Variants in COLEC12 observed in about 807,000 individuals in gnomAD.
COLEC12 encodes the protein collectin subfamily member 12, also known as collectin-12.
A neutral mutation model predicts 71.1 loss-of-function variants in COLEC12; 33 were observed. The observed-to-expected ratio is 0.46, with a 90% CI of 0.35 to 0.62. The LOEUF is 0.62. Ranked by LOEUF, COLEC12 falls within the 20% of genes least tolerant of loss-of-function variation. The pLI, the probability that COLEC12 is intolerant of heterozygous loss-of-function variation, is 0.00. For synonymous variants in COLEC12, 350 were observed against 353.0 expected (o/e 0.99, Z 0.10); for missense variants, 765 against 916.1 (o/e 0.84, Z 2.13).
chr18:330,773 T>C (rs535138937), intron 8 of COLEC12, among the ~76,000 whole-genome samples: 193 of 152,150 alleles, frequency 1.3e-3, no homozygotes, highest in African/African-American at 4.4e-3. Flanking sequence ...ATGGAACTTA[T>C]GGGGAATCTT....
At chr18:481,030 G>A (rs1048747583) in intron 1 of COLEC12, among the ~76,000 whole-genome samples, 26 of 152,130 alleles carry the variant, frequency 1.7e-4, no homozygotes, top group Admixed American at 8.5e-4. Context: ...TGGACCACCC[G>A]GCCACTCCCT....
chr18:452,061 G>A (rs1300060977), intron 2 of COLEC12, among the ~76,000 whole-genome samples: 3 of 152,122 alleles, frequency 2.0e-5, no homozygotes, highest in Admixed American at 6.6e-5. Flanking sequence ...TAACTTGCTC[G>A]AGAAAAAGAA....
intron 2 of COLEC12, among the ~76,000 whole-genome samples, chr18:367,549 G>A (rs1240436138): frequency 4.6e-5 from 7 of 152,228 alleles, no homozygotes; most frequent in African/African-American, 9.6e-5. Flanking sequence ...AGACAGAGCA[G>A]GAGACTTCAC....
intron 2 of COLEC12, among the ~76,000 whole-genome samples, chr18:365,482 C>T (rs943240537): frequency 1.3e-5 from 2 of 152,124 alleles, no homozygotes; most frequent in African/African-American, 4.8e-5. Context: ...TTGGTCACCC[C>T]ATGGTTTTCT....
At chr18:404,246 G>A (rs1290908308) in intron 2 of COLEC12, among the ~76,000 whole-genome samples, 2 of 152,032 alleles carry the variant, frequency 1.3e-5, no homozygotes, top group Non-Finnish European at 2.9e-5. Flanking sequence ...TTCAAAGTTT[G>A]GGAAAATGTG....
At chr18:391,012 T>A (rs1915452275) in intron 2 of COLEC12, among the ~76,000 whole-genome samples, 1 of 152,200 alleles carries the variant, frequency 6.6e-6, no homozygotes, top group Non-Finnish European at 1.5e-5. Context: ...GGGGAACTGG[T>A]CCGCTCTTTT....
chr18:490,120 TAC>T (rs1917593179), intron 1 of COLEC12, among the ~76,000 whole-genome samples: 1 of 152,226 alleles, frequency 6.6e-6, no homozygotes, highest in Non-Finnish European at 1.5e-5. Context: ...AGCTTCTGAC[TAC>T]ACTCTTGGTA....
chr18:346,302 T>C lies in COLEC12; in HGVS notation c.1320A>G (p.Ile440Met). The C allele has an allele frequency of 1.9e-6, 3 of 1,604,954 alleles. No homozygotes were observed. Among genetic ancestry groups the C allele is most frequent in the Non-Finnish European group, 2.6e-6 (3 of 1,174,716 alleles). The change falls in exon 5 of 10, where the codon ATA (isoleucine) becomes ATG (methionine). Residue 440 changes from isoleucine to methionine, a missense_variant. Coordinates refer to ENST00000400256, the MANE Select transcript of COLEC12 (RefSeq NM_130386.3). This position sits in a 1 kb window ranked among gnomAD's most constrained non-coding sequence, Gnocchi z 4.0. ...TTCAGAATTTTGACTTACCTTGTAG[T>C]ATTGTAAAATTCTTGATGAGCTGAC... ...KHGQLIKNFT[I>M]LQGPPGPRGP...
rs570429019 is a variant in COLEC12 at position 372,665 on chromosome 18, G to T, written c.59-15143C>A. Among the ~76,000 whole-genome samples, 113 of 152,146 alleles carry T rather than the reference G, an allele frequency of 7.4e-4. 1 individual carries two copies. The highest frequency in any genetic ancestry group is 8.8e-5 in the Non-Finnish European group (6 of 68,038). ...ACTCCTGAGCTCAAGCGATCCACCT[G>T]CCTCGGCCTCCCAAAGTGCTGGGAT... On this transcript the variant is annotated intron_variant, in intron 2 of 9. Transcript: ENST00000400256.
chr18:404,520 G>T (rs939273825), intron 2 of COLEC12, among the ~76,000 whole-genome samples: 1 of 152,216 alleles, frequency 6.6e-6, no homozygotes. Flanking sequence ...TGAATTTAAA[G>T]TGGGACGAAG....
At chr18:488,843 A>G (rs141646762) in intron 1 of COLEC12, among the ~76,000 whole-genome samples, 2,249 of 152,084 alleles carry the variant, frequency 0.015, 53 homozygotes, top group Non-Finnish European at 0.016. Flanking sequence ...ACTGCACTCC[A>G]GCCTAGGCGA....
chr18:416,969 T>C (rs1266724424), intron 2 of COLEC12, among the ~76,000 whole-genome samples: 1 of 151,832 alleles, frequency 6.6e-6, no homozygotes, highest in Non-Finnish European at 1.5e-5. Flanking sequence ...TGGGAAAGTA[T>C]ACCAGGTTTA....
intron 2 of COLEC12, among the ~76,000 whole-genome samples, chr18:433,961 C>T (rs1182339846): frequency 2.3e-5 from 1 of 43,714 alleles, no homozygotes; most frequent in South Asian, 2.4e-3. Flanking sequence ...GAGACCCTGC[C>T]TCAAAAAAAA....
chr18:471,267 G>A lies in COLEC12; in HGVS notation c.58+9440C>T, dbSNP rs571253474. Among the ~76,000 whole-genome samples the A allele has an allele frequency of 1.6e-3, 153 of 94,840 alleles. 2 individuals carry two copies. The highest frequency in any genetic ancestry group is 6.2e-3 in the African/African-American group (151 of 24,232). 62.2% of individuals were successfully genotyped at this position (94,840 alleles called of 152,430 possible). A position where few individuals can be genotyped will look rare whatever the true frequency, so the allele number is the denominator to read the frequency against. On this transcript the variant is annotated intron_variant, in intron 2 of 9. Transcript: ENST00000400256. Reference sequence around the variant, plus strand: ...TTTATAGTGATGACTCAGACCAGGAGACCAATTTCACAATGTTTCATTGTG... The same window carrying A: ...TTTATAGTGATGACTCAGACCAGGAAACCAATTTCACAATGTTTCATTGTG...
chr18:432,301 C>T (rs1916319728), intron 2 of COLEC12, among the ~76,000 whole-genome samples: 1 of 152,168 alleles, frequency 6.6e-6, no homozygotes, highest in South Asian at 2.1e-4. Flanking sequence ...ACAATATTAT[C>T]ATCAGCAAAT....
chr18:455,721 C>T (rs537507183), intron 2 of COLEC12, among the ~76,000 whole-genome samples: 1 of 151,984 alleles, frequency 6.6e-6, no homozygotes, highest in Non-Finnish European at 1.5e-5. Context: ...TTGTTCAACT[C>T]CCACTTATGA....
In COLEC12 at chr18:346,481, C is replaced by T; in HGVS notation, c.1141G>A (p.Asp381Asn). 1.9e-6 allele frequency: 3 copies of T among 1,614,180 alleles called. No homozygotes were observed. The highest frequency in any genetic ancestry group is 2.5e-6 in the Non-Finnish European group (3 of 1,180,042). ...AGGGTATTATTCAAGGAGGTCAGAT[C>T]ATCTGTGTGTTTGGTAAGGGTATCT... ...CTDTLTKHTDDLTSLNNTLAN... is the reference protein window; with the variant it reads ...CTDTLTKHTDNLTSLNNTLAN... The change falls in exon 5 of 10, where the codon GAT becomes AAT. Residue 381 changes from aspartate to asparagine, a missense_variant. Transcript: ENST00000400256. The surrounding 1 kb of genome is among the most constrained non-coding windows in gnomAD (Gnocchi z 4.0).
intron 2 of COLEC12, among the ~76,000 whole-genome samples, chr18:417,919 G>T (rs139763578): frequency 6.6e-6 from 1 of 152,122 alleles, no homozygotes; most frequent in African/African-American, 2.4e-5. Context: ...CACTTTGGGC[G>T]ATTCAGTCCT....
rs150634753 is a variant in COLEC12, at chr18:458,985, C to T, written c.58+21722G>A. On this transcript the variant is annotated intron_variant, in intron 2 of 9. Transcript: ENST00000400256. ...AAGTAGCTGGGACCACGGACATGCT[C>T]CACCATTCCAGGCTAATTTTTTTAT... Among the ~76,000 whole-genome samples the T allele has an allele frequency of 6.6e-3, 1,011 of 152,310 alleles. 12 individuals carry two copies. Among genetic ancestry groups the T allele is most frequent in the African/African-American group, 0.023 (948 of 41,566 alleles).
Sources: allele counts gnomAD v4.1 joint callset (sites outside exome capture counted in the v4.1 genomes callset), GRCh38; gene constraint gnomAD v4.1.1; non-coding constraint Gnocchi (gnomAD v3.1); transcripts MANE v1.5; gene names NCBI Gene and HGNC (gene_info 2026-07-23, HGNC 2026-07-21).